Variants in MARF1 observed in about 807,000 individuals in gnomAD.
MARF1 encodes meiosis regulator and mRNA stability factor 1.
MARF1 carries 24 observed loss-of-function variants against 168.2 expected under a neutral mutation model. The observed-to-expected ratio is 0.14, with a 90% CI of 0.10 to 0.20. The LOEUF (loss-of-function observed/expected upper bound fraction) is 0.20, where lower values mean the gene tolerates loss of function less well. Ranked by LOEUF, MARF1 falls within the 10% of genes least tolerant of loss-of-function variation. MARF1 has a pLI of 1.00. For synonymous variants in MARF1, 868 were observed against 822.4 expected, an observed-to-expected ratio of 1.06 and a Z score of -0.95; for missense variants, 1,744 against 2,143.6, an observed-to-expected ratio of 0.81 and a Z score of 3.68.
At chr16:15,609,154 T>C (rs2033290497) in intron 20 of MARF1, among the ~76,000 whole-genome samples, 1 of 152,288 alleles carries the variant, frequency 6.6e-6, no homozygotes, top group Admixed American at 6.5e-5. Context: ...GCAAGTGAAC[T>C]GCTTGAACCC....
intron 2 of MARF1, among the ~76,000 whole-genome samples, chr16:15,638,154 G>T (rs970347686): frequency 6.6e-6 from 1 of 151,698 alleles, no homozygotes; most frequent in African/African-American, 2.4e-5. Context: ...GCTGAGCCGA[G>T]ACTCTGTCTC....
chr16:15,625,888 T>C (rs2034808507), intron 7 of MARF1, 88 bp from the exon 8 acceptor site: 1 of 1,004,450 alleles, frequency 1.0e-6, no homozygotes, highest in Non-Finnish European at 1.5e-6. Flanking sequence ...ACCTCCAAAC[T>C]TCAGTTAACA....
chr16:15,599,137 A>G lies in MARF1; in HGVS notation c.4814-113T>C, dbSNP rs2032109161. The G allele has an allele frequency of 6.2e-6, 5 of 809,750 alleles. No individual in the cohort carries two copies. In the East Asian group the frequency reaches 8.0e-5, roughly 13 times the overall value. 50.2% of individuals were successfully genotyped at this position (809,750 alleles called of 1,614,324 possible). On this transcript the variant is annotated intron_variant, in intron 25 of 26. Transcript: ENST00000396368. ...CTAAGCCTTAAAGATAAGAGAGTCA[A>G]GAAGTATTTAAGGTATTAAAAAAAA...
At chr16:15,636,459 T>C (rs1012485398) in intron 2 of MARF1, 117 bp from the exon 3 acceptor site, 3 of 725,046 alleles carry the variant, frequency 4.1e-6, no homozygotes, top group Non-Finnish European at 6.6e-6. Context: ...CATCACTAAA[T>C]CATAACTGAA....
At position 15,625,791 on chromosome 16, in the gene MARF1, T is replaced by C. The variant is rs2034800643; in HGVS notation, c.1534A>G (p.Thr512Ala). 1 of 1,612,312 alleles carries C rather than the reference T, an allele frequency of 6.2e-7. No individual in the cohort carries two copies. The highest frequency in any genetic ancestry group is 1.7e-5 in the Admixed American group (1 of 59,982). Residue 512 changes from threonine (T) to alanine (A), a missense_variant, in exon 8 of 27, where the codon ACT becomes GCT. Physicochemically the swap from Thr to Ala is moderately conservative, Grantham distance 58 (BLOSUM62 0). Transcript: ENST00000396368. Reference protein sequence around the residue: ...RLPLKMPQCHTLLYVYNLPAN... With the variant: ...RLPLKMPQCHALLYVYNLPAN... The stretch of plus-strand genomic sequence containing the variant: ...GGTAGGTTATAAACATAGAGCAGAG[T>C]GTGGCACTGCTAATACAGAGGAAAG...
In MARF1 at chr16:15,617,281, G is replaced by A; in HGVS notation, c.2957+18C>T. On this transcript the variant is annotated intron_variant, in intron 14 of 26. Coordinates refer to ENST00000396368, the MANE Select transcript of MARF1 (RefSeq NM_014647.4). ...CTTATAGAAAAGAATTACTTCTAAAGGAAAACGAACGGCACACCTGAAATC... is the reference window on the plus strand; with the variant it reads ...CTTATAGAAAAGAATTACTTCTAAAAGAAAACGAACGGCACACCTGAAATC... The A allele has an allele frequency of 6.2e-7, 1 of 1,611,898 alleles. No individual in the cohort carries two copies. The highest frequency in any genetic ancestry group is 8.5e-7 in the Non-Finnish European group (1 of 1,178,140).
intron 7 of MARF1, among the ~76,000 whole-genome samples, chr16:15,626,835 C>T (rs1596486269): frequency 6.6e-6 from 1 of 151,654 alleles, no homozygotes; most frequent in Admixed American, 6.6e-5. Flanking sequence ...AAGTGGCAGA[C>T]GCCTGTAATC....
chr16:15,628,017 C>T (rs983261719), intron 7 of MARF1, among the ~76,000 whole-genome samples: 1 of 152,106 alleles, frequency 6.6e-6, no homozygotes, highest in South Asian at 2.1e-4. Context: ...ATATAAATTA[C>T]CTTGCTGGAA....
Position 15,634,833 on chromosome 16 carries a change from G to T in MARF1, c.930C>A (p.Gly310=). 1 of 1,614,098 alleles carries T rather than the reference G, an allele frequency of 6.2e-7. No homozygotes were observed. The highest frequency in any genetic ancestry group is 2.2e-5 in the East Asian group (1 of 44,884). The change falls in exon 4 of 27, where the codon GGC becomes GGA. Residue 310 remains glycine, a synonymous_variant. Transcript: ENST00000396368. ...PAPLAVPLCN[G]CGTKGTGKET... is the part of the protein sequence containing the mutation. Reference sequence around the variant, plus strand: ...CCTTCCCTGTTCCTTTGGTTCCACAGCCATTACACAGAGGGACAGCAAGAG... The same window carrying T: ...CCTTCCCTGTTCCTTTGGTTCCACATCCATTACACAGAGGGACAGCAAGAG...
intron 7 of MARF1, among the ~76,000 whole-genome samples, chr16:15,627,838 T>C (rs996126020): frequency 6.6e-6 from 1 of 152,224 alleles, no homozygotes; most frequent in Admixed American, 6.5e-5. Flanking sequence ...TATAAGATGA[T>C]GCTGTTTTTC....
intron 1 of MARF1, among the ~76,000 whole-genome samples, chr16:15,639,696 C>T (rs902289216): frequency 2.0e-5 from 3 of 151,870 alleles, no homozygotes; most frequent in African/African-American, 4.8e-5. Context: ...CCACTGCGCC[C>T]GGCCAACAAT....
Position 15,625,516 on chromosome 16 carries a change from C to T in MARF1, c.1809G>A (p.Lys603=). 6.2e-7 allele frequency: 1 copy of T among 1,614,200 alleles called. No individual in the cohort carries two copies. The highest frequency in any genetic ancestry group is 8.5e-7 in the Non-Finnish European group (1 of 1,180,042). ...TTGGATTCTTAAGTTTTTTGGGAGA[C>T]TTCACTTTATCAGCAATTGCATTTG... The part of the protein sequence containing the change: ...KSSNAIADKV[K]SPKKLKNPKL... The change falls in exon 8 of 27, where the codon AAG becomes AAA. Residue 603 remains lysine (K), a synonymous_variant. Coordinates refer to ENST00000396368, the MANE Select transcript of MARF1 (RefSeq NM_014647.4).
At chr16:15,602,767 G>T in intron 22 of MARF1, 1 of 392,324 alleles carries the variant, frequency 2.5e-6, no homozygotes, top group Non-Finnish European at 5.0e-6. Context: ...TGTGAGTAGG[G>T]AAGAAATCGG....
At chr16:15,616,935 A>G (rs1440639615) in intron 15 of MARF1, 117 bp downstream of exon 15, 1 of 1,397,972 alleles carries the variant, frequency 7.2e-7, no homozygotes, top group East Asian at 2.3e-5. Context: ...GGCTAAACAC[A>G]TGAGGATGAA....
intron 10 of MARF1, 142 bp downstream of exon 10, chr16:15,624,627 G>A (rs999517877): frequency 4.0e-5 from 30 of 744,528 alleles, no homozygotes; most frequent in Non-Finnish European, 6.3e-5. Context: ...GATTACCTGA[G>A]GAGAGGGGGA....
In MARF1 at chr16:15,615,961, A is replaced by G. The variant is rs1397729948; in HGVS notation, c.3122T>C (p.Val1041Ala). ...GGGAACACCTCCTTGGTTTTCTTGC[A>G]CTACTTCTAGATCGCCAAACTCTGC... ...YIAEFGDLEV[V>A]QENQGGVPLE... Residue 1041 changes from valine to alanine, a missense_variant, in exon 16 of 27, where the codon GTG becomes GCG. Transcript: ENST00000396368. The G allele has an allele frequency of 7.0e-6, 11 of 1,573,116 alleles. No individual in the cohort carries two copies. In the East Asian group the frequency reaches 2.3e-4, roughly 33 times the overall value.
chr16:15,641,407 G>A (rs147588329), intron 1 of MARF1, among the ~76,000 whole-genome samples: 6 of 152,126 alleles, frequency 3.9e-5, no homozygotes, highest in Admixed American at 2.6e-4. Flanking sequence ...TCTCAAAATC[G>A]TAAGAATCTG....
At chr16:15,618,469 T>C (rs2034224949) in intron 13 of MARF1, among the ~76,000 whole-genome samples, 1 of 152,154 alleles carries the variant, frequency 6.6e-6, no homozygotes, top group South Asian at 2.1e-4. Flanking sequence ...CCTTCCCTAC[T>C]GGATTTTAGC....
At chr16:15,633,965 T>G in intron 4 of MARF1, 122 bp from the exon 5 acceptor site, 1 of 793,640 alleles carries the variant, frequency 1.3e-6, no homozygotes. Flanking sequence ...GAATGCCAAG[T>G]TTTAAGGCTA....
Sources: gnomAD v4.1 joint callset for allele counts (sites outside exome capture counted in the v4.1 genomes callset) on GRCh38, gnomAD v4.1.1 for gene constraint, MANE v1.5 for transcripts, NCBI Gene and HGNC (gene_info 2026-07-23, HGNC 2026-07-21) for gene names.